The following SULT1E1 variants were observed in gnomAD, a reference collection of about 807,000 sequenced individuals.
The protein encoded by SULT1E1 is sulfotransferase family 1E member 1.
Under a neutral mutation model 33.6 loss-of-function variants are expected in SULT1E1, and 36 were observed. The ratio of observed to expected loss-of-function variants is 1.07; its 90% CI spans 0.82 to 1.41. SULT1E1 has a LOEUF of 1.41. SULT1E1 is among the 40% of genes most tolerant of loss of function. SULT1E1 has a pLI of 0.00. For synonymous variants in SULT1E1, 121 were observed against 111.7 expected (o/e 1.08, Z -0.53); for missense variants, 371 against 345.7 (o/e 1.07, Z -0.58).
Position 69,844,044 on chromosome 4 carries a change from T to C in SULT1E1, c.772+117A>G. 6 of 857,026 alleles carry C rather than the reference T, an allele frequency of 7.0e-6. No homozygotes were observed. The South Asian group carries it at 7.2e-5, about 10-fold the overall frequency. 53.1% of individuals were successfully genotyped at this position (857,026 alleles called of 1,614,324 possible). A position where few individuals can be genotyped will look rare whatever the true frequency, so the allele number is the denominator to read the frequency against. On this transcript the variant is annotated intron_variant, in intron 7 of 7. Transcript: ENST00000226444. ...AAGAGTGTATTCAAATATGAAAGAC[T>C]GCTGAAGAAAACTTAAGCTGGGTTC...
the SULT1E1 span, among the ~76,000 whole-genome samples, chr4:69,833,198 T>C: frequency 2.0e-5 from 3 of 152,142 alleles, no homozygotes; most frequent in Admixed American, 2.0e-4. Flanking sequence ...ATTATGATGT[T>C]TTAGATGAGG....
chr4:69,843,125 C>T (rs996783450), intron 7 of SULT1E1, among the ~76,000 whole-genome samples: 23 of 152,176 alleles, frequency 1.5e-4, no homozygotes, highest in Admixed American at 5.2e-4. Context: ...TGTGAGCCAC[C>T]GCGCCCAGCC....
chr4:69,857,593 G>A lies in SULT1E1; in HGVS notation c.52C>T (p.Leu18=). The A allele has an allele frequency of 6.2e-7, 1 of 1,612,800 alleles. No individual in the cohort carries two copies. The change falls in exon 2 of 8, where the codon CTA becomes TTA. Residue 18 remains leucine, a synonymous_variant. Coordinates refer to ENST00000226444, the MANE Select transcript of SULT1E1 (RefSeq NM_005420.3). ...YEKFEEVHGI[L]MYKDFVKYWD... is the part of the protein sequence containing the mutation. ...TATTTGACAAAATCTTTATACATTA[G>A]AATCCCATGGACTTCTTCAAACTTT...
Position 69,855,294 on chromosome 4 carries a change from A to T in SULT1E1, c.271+7T>A. 6.2e-7 allele frequency: 1 copy of T among 1,610,674 alleles called. No individual in the cohort carries two copies. On this transcript the variant is annotated splice_region_variant and intron_variant, in intron 3 of 7. Coordinates refer to ENST00000226444, the MANE Select transcript of SULT1E1 (RefSeq NM_005420.3). ...CAAATAGTTTTTAAAATCAACTTGA[A>T]CGTTACCATTCATGAGGTTTTCTTT... is the stretch of plus-strand genomic sequence containing the variant.
chr4:69,844,483 T>G, intron 6 of SULT1E1, 142 bp from the exon 7 acceptor site: 2 of 662,182 alleles, frequency 3.0e-6, no homozygotes, highest in East Asian at 5.9e-5. Context: ...ATTGGGGGAA[T>G]TTTATAAAAG....
the SULT1E1 span, among the ~76,000 whole-genome samples, chr4:69,835,680 A>C: frequency 6.6e-6 from 1 of 152,262 alleles, no homozygotes; most frequent in Non-Finnish European, 1.5e-5. Context: ...CTAACATTTC[A>C]AACTAATAAT....
intron 4 of SULT1E1, 116 bp downstream of exon 4, chr4:69,854,101 G>C (rs997466824): frequency 1.7e-6 from 1 of 601,414 alleles, no homozygotes; most frequent in Admixed American, 3.1e-5. Context: ...TTCCACATTT[G>C]TTAAGTGTCT....
the SULT1E1 span, among the ~76,000 whole-genome samples, chr4:69,830,991 C>T: frequency 6.6e-6 from 1 of 152,198 alleles, no homozygotes; most frequent in Non-Finnish European, 1.5e-5. Flanking sequence ...GACTTGGGCA[C>T]GGCCAGACCT....
downstream of SULT1E1, among the ~76,000 whole-genome samples, chr4:69,839,166 G>A (rs1381325253): frequency 6.6e-6 from 1 of 152,178 alleles, no homozygotes; most frequent in Non-Finnish European, 1.5e-5. Flanking sequence ...TTGACAGAAT[G>A]TCTATTTTCT....
chr4:69,826,135 T>C, the SULT1E1 span, among the ~76,000 whole-genome samples: 1 of 152,240 alleles, frequency 6.6e-6, no homozygotes, highest in African/African-American at 2.4e-5. Flanking sequence ...CCTATTCATA[T>C]AAGTGAGGAA....
chr4:69,848,018 T>A (rs140235254), intron 5 of SULT1E1, among the ~76,000 whole-genome samples: 4 of 151,838 alleles, frequency 2.6e-5, no homozygotes, highest in Non-Finnish European at 1.5e-5. Context: ...TAATGTAGTT[T>A]ATGACAGAAA....
At chr4:69,839,882 T>C (rs116609535), downstream of SULT1E1, among the ~76,000 whole-genome samples, 285 of 152,294 alleles carry the variant, frequency 1.9e-3, 1 homozygote, top group African/African-American at 6.3e-3. Context: ...AAAGATATAG[T>C]TGGTCCAAAT....
intron 4 of SULT1E1, among the ~76,000 whole-genome samples, chr4:69,850,036 T>C (rs866075132): frequency 9.9e-5 from 15 of 152,030 alleles, no homozygotes; most frequent in Non-Finnish European, 1.3e-4. Flanking sequence ...AAAAAATAGT[T>C]CTGAGGTCTC....
the SULT1E1 span, among the ~76,000 whole-genome samples, chr4:69,821,726 G>A: frequency 5.3e-5 from 8 of 152,208 alleles, no homozygotes; most frequent in Admixed American, 2.0e-4. Context: ...CTACTTTTAC[G>A]TGTGCATTAA....
rs11569705 is a variant in SULT1E1, at chr4:69,857,581, C to A, written c.64G>T (p.Asp22Tyr). 2,836 of 1,613,398 alleles carry A rather than the reference C, an allele frequency of 1.8e-3. No individual in the cohort carries two copies. Among genetic ancestry groups the A allele is most frequent in the Non-Finnish European group, 2.3e-3 (2,678 of 1,179,772 alleles). The change falls in exon 2 of 8, where the codon GAT (aspartate) becomes TAT (tyrosine). Residue 22 changes from aspartate (D) to tyrosine (Y), a missense_variant. By Grantham distance (160) the Asp-to-Tyr change is radical. Coordinates refer to ENST00000226444, the MANE Select transcript of SULT1E1 (RefSeq NM_005420.3). ...ACATTATCCCAATATTTGACAAAAT[C>A]TTTATACATTAGAATCCCATGGACT... ...EEVHGILMYKDFVKYWDNVEA... is the reference protein window; with the variant it reads ...EEVHGILMYKYFVKYWDNVEA...
Position 69,846,002 on chromosome 4 carries a change from A to G in SULT1E1, c.592-1661T>C, listed in dbSNP as rs117625564. 2.6e-5 allele frequency among the ~76,000 whole-genome samples: 4 copies of G among 151,122 alleles called. No individual in the cohort carries two copies. The East Asian group carries it at 7.7e-4, about 29-fold the overall frequency. ...AACACTCTAAAATTACTGAAATACCATAAAGGATTTTAAAGGTTATTCAAA... is the reference window on the plus strand; with the variant it reads ...AACACTCTAAAATTACTGAAATACCGTAAAGGATTTTAAAGGTTATTCAAA... On this transcript the variant is annotated intron_variant, in intron 6 of 7. Coordinates refer to ENST00000226444, the MANE Select transcript of SULT1E1 (RefSeq NM_005420.3).
chr4:69,844,956 A>G (rs1720945465), intron 6 of SULT1E1, among the ~76,000 whole-genome samples: 1 of 152,084 alleles, frequency 6.6e-6, no homozygotes, highest in African/African-American at 2.4e-5. Flanking sequence ...TATGCCAATC[A>G]AATGCTGTTT....
the SULT1E1 span, among the ~76,000 whole-genome samples, chr4:69,822,200 A>T: frequency 3.3e-5 from 5 of 152,358 alleles, no homozygotes; most frequent in Non-Finnish European, 5.9e-5. Context: ...GAAACAGATC[A>T]GGGTAACTTA....
chr4:69,856,832 A>G (rs1721249895), intron 2 of SULT1E1, among the ~76,000 whole-genome samples: 1 of 143,100 alleles, frequency 7.0e-6, no homozygotes, highest in South Asian at 2.4e-4. Flanking sequence ...GCTACTCGGG[A>G]GGCTGAGGAA....
Sources: allele counts gnomAD v4.1 joint callset (sites outside exome capture counted in the v4.1 genomes callset), GRCh38; gene constraint gnomAD v4.1.1; transcripts MANE v1.5; gene names NCBI Gene and HGNC (gene_info 2026-07-23, HGNC 2026-07-21).